Variants in KCNJ15 observed in about 807,000 individuals in gnomAD.
KCNJ15 encodes ATP-sensitive inward rectifier potassium channel 15.
Under a neutral mutation model 23.0 loss-of-function variants are expected in KCNJ15, and 14 were observed. That is an observed-to-expected ratio of 0.61 (90% CI 0.40 to 0.95). The LOEUF is 0.95. KCNJ15 is among the 40% of genes least tolerant of loss of function. KCNJ15 has a pLI of 0.00. For missense variants in KCNJ15, 388 were observed against 461.8 expected (o/e 0.84, Z 1.46); for synonymous variants, 185 against 183.2 (o/e 1.01, Z -0.08).
rs1451751027 is a variant in KCNJ15, at chr21:38,306,625, G to C, written c.*6236G>C. Reference sequence around the variant, plus strand: ...TTACAGGAAGTATGACTGTATCAGCGGCTTTTTACAAAAACAAACCTCCAG... The same window carrying C: ...TTACAGGAAGTATGACTGTATCAGCCGCTTTTTACAAAAACAAACCTCCAG... On this transcript the variant is annotated 3_prime_UTR_variant, in exon 3 of 3. Coordinates refer to ENST00000398938, the MANE Select transcript of KCNJ15 (RefSeq NM_170736.3). 6.6e-6 allele frequency: 1 copy of C among 152,122 alleles called. No individual in the cohort carries two copies. The highest frequency in any genetic ancestry group is 6.5e-5 in the Admixed American group (1 of 15,268). The allele number at this position is 152,122 out of a possible 1,614,324, so 9.4% of individuals were successfully genotyped here.
chr21:38,290,311 G>T (rs1427087558), intron 1 of KCNJ15, among the ~76,000 whole-genome samples: 2 of 151,940 alleles, frequency 1.3e-5, no homozygotes, highest in African/African-American at 2.4e-5. Flanking sequence ...TCGCATCGAG[G>T]AGTAAAGGGA....
At chr21:38,283,705 A>G (rs1219940966) in intron 1 of KCNJ15, among the ~76,000 whole-genome samples, 3 of 152,196 alleles carry the variant, frequency 2.0e-5, no homozygotes, top group Non-Finnish European at 4.4e-5. Context: ...TTGAGTATAC[A>G]TTGTCAAATT....
At chr21:38,294,870 A>G (rs1984982662) in intron 1 of KCNJ15, among the ~76,000 whole-genome samples, 1 of 152,248 alleles carries the variant, frequency 6.6e-6, no homozygotes, top group Non-Finnish European at 1.5e-5. Flanking sequence ...AGTAGGAGAA[A>G]GTAATACTGA....
rs978477494 is a variant in KCNJ15 at position 38,235,389 on chromosome 21, A to G, written c.-398-21657A>G. Reference sequence around the variant, plus strand: ...GCCAACATGGTGAATCCTCGTCTCTACTAAACATACGAAAATTAGCTGGGC... The same window carrying G: ...GCCAACATGGTGAATCCTCGTCTCTGCTAAACATACGAAAATTAGCTGGGC... On this transcript the variant is annotated intron_variant, in intron 1 of 4. Transcript: ENST00000547341. 4.1e-4 allele frequency among the ~76,000 whole-genome samples: 62 copies of G among 152,114 alleles called. 1 individual carries two copies. The highest frequency in any genetic ancestry group is 1.4e-3 in the African/African-American group (59 of 41,412).
At chr21:38,275,444 C>T (rs568507026) in intron 1 of KCNJ15, among the ~76,000 whole-genome samples, 1 of 147,612 alleles carries the variant, frequency 6.8e-6, no homozygotes, top group South Asian at 2.1e-4. Context: ...ATTGCTTGAA[C>T]CGGGGAGGCA....
At chr21:38,258,143 C>T (rs1035228868) in intron 1 of KCNJ15, among the ~76,000 whole-genome samples, 3 of 151,914 alleles carry the variant, frequency 2.0e-5, no homozygotes, top group Non-Finnish European at 4.4e-5. Flanking sequence ...CAAGCACACA[C>T]TCACACTCAT....
At chr21:38,237,979 C>T (rs983862715) in intron 1 of KCNJ15, 6 of 192,036 alleles carry the variant, frequency 3.1e-5, no homozygotes, top group Admixed American at 1.1e-4. Context: ...GTAACAATAA[C>T]GATAGAAAGC....
At position 38,299,984 on chromosome 21, in the gene KCNJ15, C is replaced by T; in HGVS notation, c.723C>T (p.Ser241=). The T allele has an allele frequency of 6.2e-7, 1 of 1,614,076 alleles. No individual in the cohort carries two copies. The highest frequency in any genetic ancestry group is 1.1e-5 in the South Asian group (1 of 91,086). ...NQATVKFHVD[S]SSESPFLILP... ...CCACTGTCAAATTCCACGTGGACTC[C>T]TCCTCTGAGAGCCCCTTCCTCATTC... Residue 241 remains serine (S), a synonymous_variant, in exon 3 of 3, where the codon TCC becomes TCT. Coordinates refer to ENST00000398938, the MANE Select transcript of KCNJ15 (RefSeq NM_170736.3). This position sits in a 1 kb window ranked among gnomAD's most constrained non-coding sequence, Gnocchi z 4.5.
At chr21:38,274,032 A>C (rs191689358) in intron 1 of KCNJ15, among the ~76,000 whole-genome samples, 1 of 152,306 alleles carries the variant, frequency 6.6e-6, no homozygotes, top group African/African-American at 2.4e-5. Context: ...TCAAATGTTT[A>C]TGTTTCTAAT....
At chr21:38,245,088 C>T (rs1051183051) in intron 1 of KCNJ15, among the ~76,000 whole-genome samples, 4 of 152,038 alleles carry the variant, frequency 2.6e-5, no homozygotes, top group African/African-American at 9.6e-5. Context: ...AAGGTTTCTA[C>T]AGGCGCCGTC....
chr21:38,242,036 A>G (rs1979041264), intron 1 of KCNJ15, among the ~76,000 whole-genome samples: 2 of 151,268 alleles, frequency 1.3e-5, no homozygotes, highest in South Asian at 4.2e-4. Context: ...ACATGGTCCC[A>G]GAGTCGGTGT....
chr21:38,258,969 C>T (rs1222917374), intron 1 of KCNJ15, among the ~76,000 whole-genome samples: 1 of 151,928 alleles, frequency 6.6e-6, no homozygotes, highest in Non-Finnish European at 1.5e-5. Context: ...GCTTCTGCAT[C>T]GAGGAAATCT....
chr21:38,230,419 C>A (rs936544848), intron 1 of KCNJ15, among the ~76,000 whole-genome samples: 6 of 152,106 alleles, frequency 3.9e-5, no homozygotes, highest in African/African-American at 1.4e-4. Flanking sequence ...TTCATGCAGT[C>A]TGGATATGAG....
intron 1 of KCNJ15, among the ~76,000 whole-genome samples, chr21:38,247,788 G>A (rs1416297072): frequency 6.6e-6 from 1 of 152,112 alleles, no homozygotes; most frequent in Non-Finnish European, 1.5e-5. Flanking sequence ...GTTCTCATAT[G>A]TTCCCCATAA....
intron 1 of KCNJ15, among the ~76,000 whole-genome samples, chr21:38,265,636 G>A (rs1981378834): frequency 2.6e-5 from 4 of 152,184 alleles, no homozygotes; most frequent in Admixed American, 2.6e-4. Flanking sequence ...AGGAGGCTGG[G>A]TGGTCCGTCT....
chr21:38,258,096 T>C (rs756330480), intron 1 of KCNJ15, among the ~76,000 whole-genome samples: 4 of 151,024 alleles, frequency 2.6e-5, no homozygotes, highest in Non-Finnish European at 4.4e-5. Context: ...AAAATCCAAG[T>C]GATTCTTAAA....
intron 1 of KCNJ15, among the ~76,000 whole-genome samples, chr21:38,234,566 C>T (rs575252653): frequency 6.6e-6 from 1 of 152,158 alleles, no homozygotes; most frequent in Non-Finnish European, 1.5e-5. Flanking sequence ...AAGGAACTTT[C>T]CAAGTTATTA....
intron 1 of KCNJ15, among the ~76,000 whole-genome samples, chr21:38,258,914 AG>A (rs1980575896): frequency 6.6e-6 from 1 of 152,108 alleles, no homozygotes; most frequent in South Asian, 2.1e-4. Flanking sequence ...CAACAAAAGC[AG>A]GTCTCTGGGC....
At chr21:38,237,305 G>C (rs1294931480) in intron 1 of KCNJ15, 2 of 152,248 alleles carry the variant, frequency 1.3e-5, no homozygotes, top group African/African-American at 4.8e-5. Flanking sequence ...GTTTATTGTG[G>C]GTAGAGATGA....
Sources: allele counts gnomAD v4.1 joint callset (sites outside exome capture counted in the v4.1 genomes callset), GRCh38; gene constraint gnomAD v4.1.1; non-coding constraint Gnocchi (gnomAD v3.1); transcripts MANE v1.5; gene names NCBI Gene and HGNC (gene_info 2026-07-23, HGNC 2026-07-21).